The following PVT1 variants were observed in gnomAD, a reference collection of about 807,000 sequenced individuals.
PVT1 encodes the protein CXCR4/PVT1 fusion.
chr8:127,889,532 C>T (rs996138237), intron 2 of PVT1, among the ~76,000 whole-genome samples: 99 of 151,162 alleles, frequency 6.5e-4, no homozygotes, highest in African/African-American at 2.4e-3. Flanking sequence ...TCTCTAAAGT[C>T]GGTTAACAAT....
intron 4 of PVT1, among the ~76,000 whole-genome samples, chr8:128,046,973 G>T (rs965750679): frequency 3.9e-5 from 6 of 152,208 alleles, no homozygotes; most frequent in African/African-American, 1.2e-4. Context: ...AGTGTCTTCA[G>T]TGGATGGCCA....
chr8:127,937,347 A>G (rs1294003409), intron 3 of PVT1, among the ~76,000 whole-genome samples: 1 of 151,474 alleles, frequency 6.6e-6, no homozygotes, highest in Non-Finnish European at 1.5e-5. Context: ...TCCTGGGTTC[A>G]AGTGATTTTT....
rs11438511 is a variant in PVT1, at chr8:128,021,290, C to CTTTTT, written n.912+32016_912+32020dup. Among the ~76,000 whole-genome samples the CTTTTT allele has an allele frequency of 3.0e-3, 244 of 81,122 alleles. 14 individuals are homozygous for CTTTTT. Among genetic ancestry groups the CTTTTT allele is most frequent in the East Asian group, 4.4e-3 (12 of 2,718 alleles). 53.2% of individuals were successfully genotyped at this position (81,122 alleles called of 152,430 possible). Reference sequence around the variant, plus strand: ...CCAGTCCGATTCCCCAGGACTTGTGCTTTTTTTTTTTTTTTTTTTTTGAGA... The same window carrying CTTTTT: ...CCAGTCCGATTCCCCAGGACTTGTGCTTTTTTTTTTTTTTTTTTTTTTTTTTGAGA... On this transcript the variant is annotated intron_variant and non_coding_transcript_variant, in intron 4 of 10. Coordinates refer to ENST00000651587, the Ensembl canonical transcript of PVT1.
chr8:127,930,709 C>G (rs1451360827), intron 3 of PVT1, among the ~76,000 whole-genome samples: 2 of 152,060 alleles, frequency 1.3e-5, no homozygotes, highest in Non-Finnish European at 2.9e-5. Context: ...CTTCGTACCC[C>G]CTCACTGACA....
chr8:127,901,069 G>A (rs1815753261), intron 3 of PVT1, among the ~76,000 whole-genome samples: 1 of 152,196 alleles, frequency 6.6e-6, no homozygotes, highest in Non-Finnish European at 1.5e-5. Flanking sequence ...GCCTGGAGTG[G>A]GGGTGTGAAT....
intron 3 of PVT1, among the ~76,000 whole-genome samples, chr8:127,963,749 G>A (rs1371622856): frequency 6.6e-6 from 1 of 152,182 alleles, no homozygotes; most frequent in African/African-American, 2.4e-5. Flanking sequence ...GGAGGAAGCT[G>A]ATCTAGCTGG....
intron 3 of PVT1, among the ~76,000 whole-genome samples, chr8:127,904,066 G>GT (rs1168799989): frequency 6.6e-6 from 1 of 152,160 alleles, no homozygotes; most frequent in Non-Finnish European, 1.5e-5. Flanking sequence ...AGCATGAAAT[G>GT]TTTTTCCATT....
intron 6 of PVT1, among the ~76,000 whole-genome samples, chr8:128,100,724 T>G (rs1814493172): frequency 6.6e-6 from 1 of 152,312 alleles, no homozygotes; most frequent in East Asian, 1.9e-4. Context: ...GCCTTTCTCT[T>G]AATTATTCCT....
intron 2 of PVT1, among the ~76,000 whole-genome samples, chr8:127,826,014 CTTTTT>C (rs57575268): frequency 0.037 from 3,335 of 89,632 alleles, 108 homozygotes; most frequent in East Asian, 0.17. Context: ...CCATGCCCAG[CTTTTT>C]TTTTTTTTTT....
chr8:127,875,170 A>T (rs1815392122), intron 2 of PVT1, among the ~76,000 whole-genome samples: 1 of 152,180 alleles, frequency 6.6e-6, no homozygotes, highest in Non-Finnish European at 1.5e-5. Flanking sequence ...TTAACCAGTG[A>T]CTGTGGAAAG....
chr8:127,925,500 A>G (rs1816119005), intron 3 of PVT1, among the ~76,000 whole-genome samples: 1 of 152,234 alleles, frequency 6.6e-6, no homozygotes, highest in African/African-American at 2.4e-5. Context: ...TGGACACGCC[A>G]TTCAGCTTTT....
intron 2 of PVT1, chr8:127,803,344 T>C (rs1223305500): frequency 6.6e-6 from 1 of 152,068 alleles, no homozygotes; most frequent in Admixed American, 6.6e-5. Flanking sequence ...TTAGCCAGGA[T>C]GGTTTCGATC....
intron 5 of PVT1, among the ~76,000 whole-genome samples, chr8:128,078,319 C>T (rs536247780): frequency 5.3e-5 from 8 of 152,324 alleles, no homozygotes; most frequent in African/African-American, 1.9e-4. Flanking sequence ...CCTCCTTGTT[C>T]TCTAAATTAT....
rs534932886 is a variant in PVT1, at chr8:127,822,711, G to A, written n.372+26640G>A. ...CGGAAGCAGAAATGCTGAGCTTGTT[G>A]GGCTGGCCAGAGATAAGAAGGACAT... On this transcript the variant is annotated intron_variant and non_coding_transcript_variant, in intron 2 of 10. Transcript: ENST00000651587. 6.6e-4 allele frequency among the ~76,000 whole-genome samples: 100 copies of A among 152,362 alleles called. 1 individual carries two copies. Among genetic ancestry groups the A allele is most frequent in the Middle Eastern group, 3.4e-3 (1 of 294 alleles).
At chr8:128,010,751 C>T (rs1051220877) in intron 4 of PVT1, 4 of 152,236 alleles carry the variant, frequency 2.6e-5, no homozygotes, top group African/African-American at 9.7e-5. Flanking sequence ...GGATGAGGCT[C>T]TGTGCTGGGC....
chr8:128,089,650 TTACGCA>T (rs1226811717), intron 5 of PVT1, among the ~76,000 whole-genome samples: 2 of 152,200 alleles, frequency 1.3e-5, no homozygotes, highest in Non-Finnish European at 2.9e-5. Context: ...AAACACACAA[TTACGCA>T]TAGCAGGGTG....
intron 3 of PVT1, among the ~76,000 whole-genome samples, chr8:127,960,110 CTT>C (rs1488048251): frequency 1.3e-5 from 2 of 152,224 alleles, no homozygotes; most frequent in East Asian, 1.9e-4. Flanking sequence ...CACTCTCCCT[CTT>C]TTGCTAGAAG....
At chr8:127,919,228 T>C (rs890441) in intron 3 of PVT1, among the ~76,000 whole-genome samples, 123,755 of 152,180 alleles carry the variant, frequency 0.81, 50,907 homozygotes, top group Middle Eastern at 0.94. Context: ...ATTTGGGCTG[T>C]TATGGAGTGT....
chr8:127,993,202 G>A (rs1306012397), intron 4 of PVT1, among the ~76,000 whole-genome samples: 1 of 152,234 alleles, frequency 6.6e-6, no homozygotes, highest in Non-Finnish European at 1.5e-5. Context: ...GGATTAGTAA[G>A]TCTAGGGGAA....
Sources: allele counts gnomAD v4.1 joint callset (sites outside exome capture counted in the v4.1 genomes callset), GRCh38; gene constraint gnomAD v4.1.1; transcripts MANE v1.5; gene names NCBI Gene and HGNC (gene_info 2026-07-23, HGNC 2026-07-21).